ZNF577: variants seen among roughly 807,000 people sequenced by gnomAD.
ZNF577 encodes the protein zinc finger protein 577.
ZNF577 carries 14 observed loss-of-function variants against 13.9 expected under a neutral mutation model. The observed-to-expected ratio is 1.00, with a 90% confidence interval of 0.66 to 1.57. The LOEUF (loss-of-function observed/expected upper bound fraction) is 1.57, where lower values mean the gene tolerates loss of function less well. Among genes scored for constraint, ZNF577 ranks in the 40% most tolerant of loss-of-function variants. The probability of loss-of-function intolerance (pLI) is 0.00; values close to 1 mark genes in which losing one functional copy is unlikely to be tolerated. For missense variants in ZNF577, 555 were observed against 579.2 expected (o/e 0.96, Z 0.43); for synonymous variants, 203 against 202.9 (o/e 1.00, Z 0.00).
At chr19:51,826,112 T>C (rs2084230648) in intron 9 of ZNF577, 1 of 154,440 alleles carries the variant, frequency 6.5e-6, no homozygotes, top group Non-Finnish European at 1.5e-5. Context: ...ATTCTTTCAT[T>C]TACATAATTA....
At chr19:51,808,488 T>C (rs1372415976) in intron 10 of ZNF577, among the ~76,000 whole-genome samples, 1 of 152,198 alleles carries the variant, frequency 6.6e-6, no homozygotes, top group Non-Finnish European at 1.5e-5. Flanking sequence ...AGGAAACATA[T>C]TCCGAGGCTT....
intron 9 of ZNF577, among the ~76,000 whole-genome samples, chr19:51,818,456 T>C (rs1299116481): frequency 6.6e-6 from 1 of 152,196 alleles, no homozygotes; most frequent in African/African-American, 2.4e-5. Context: ...GTGCTACTTG[T>C]GGAGTTTGTA....
intron 5 of ZNF577, among the ~76,000 whole-genome samples, chr19:51,847,226 G>C (rs1337302113): frequency 6.6e-6 from 1 of 152,120 alleles, no homozygotes. Context: ...ATTCTTTCGA[G>C]TTTTCTATAT....
At position 51,868,367 on chromosome 19, in the gene ZNF577, C is replaced by T. The variant is rs1035810121; in HGVS notation, c.*4165G>A. On this transcript the variant is annotated 3_prime_UTR_variant, in exon 6 of 6. Transcript: ENST00000638348. Reference sequence around the variant, plus strand: ...GTCAGCAGAGTAAGGTTAGGTAAGACCCATGCCCTGAGTCCCCTCCCCAGC... The same window carrying T: ...GTCAGCAGAGTAAGGTTAGGTAAGATCCATGCCCTGAGTCCCCTCCCCAGC... Among the ~76,000 whole-genome samples the T allele has an allele frequency of 9.9e-5, 15 of 152,126 alleles. No individual in the cohort carries two copies. The highest frequency in any genetic ancestry group is 7.2e-4 in the Admixed American group (11 of 15,262).
rs2084964666 is a variant in ZNF577 at position 51,887,389 on chromosome 19, A to G, written c.-787T>C. 6.6e-6 allele frequency: 1 copy of G among 152,228 alleles called. No individual in the cohort carries two copies. The highest frequency in any genetic ancestry group is 2.1e-4 in the South Asian group (1 of 4,830). 9.4% of individuals were successfully genotyped at this position (152,228 alleles called of 1,614,324 possible). On this transcript the variant is annotated 5_prime_UTR_variant, in exon 1 of 6. Transcript: ENST00000638348. The stretch of plus-strand genomic sequence containing the variant: ...ACCTGATCCCAACATTAAACATGAA[A>G]TACACTAAACCAGAGTTATTTTCTG...
rs73570029 is a variant in ZNF577 at position 51,861,026 on chromosome 19, C to A, written c.284-16095G>T. 2,618 of 409,626 alleles carry A rather than the reference C, an allele frequency of 6.4e-3. 54 individuals carry two copies. The highest frequency in any genetic ancestry group is 0.048 in the African/African-American group (2,194 of 46,136). 25.4% of individuals were successfully genotyped at this position (409,626 alleles called of 1,614,324 possible). On this transcript the variant is annotated intron_variant and NMD_transcript_variant, in intron 5 of 10. Coordinates refer to the ZNF577 transcript ENST00000638827. ...TGAGAATGATTTATCATTTTCATTACATCCACTGGTGCTGCCTACTAAATG... is the reference window on the plus strand; with the variant it reads ...TGAGAATGATTTATCATTTTCATTAAATCCACTGGTGCTGCCTACTAAATG...
intron 9 of ZNF577, among the ~76,000 whole-genome samples, chr19:51,822,994 C>T (rs1373749294): frequency 6.6e-6 from 1 of 152,100 alleles, no homozygotes; most frequent in Non-Finnish European, 1.5e-5. Context: ...TCCTAAGTAG[C>T]TGGAGTTACA....
chr19:51,838,900 C>G (rs1292236924), intron 9 of ZNF577, among the ~76,000 whole-genome samples: 2 of 151,612 alleles, frequency 1.3e-5, no homozygotes, highest in Admixed American at 1.3e-4. Flanking sequence ...CAAATATGTA[C>G]TCAAAGATAA....
intron 10 of ZNF577, among the ~76,000 whole-genome samples, chr19:51,807,127 C>A (rs926339570): frequency 1.3e-5 from 2 of 152,138 alleles, no homozygotes; most frequent in Non-Finnish European, 2.9e-5. Flanking sequence ...TTGGAAGAAG[C>A]GGTCAGGGGG....
Position 51,872,604 on chromosome 19 carries a change from G to A in ZNF577, c.1386C>T (p.Leu462=), listed in dbSNP as rs758219605. 1.2e-6 allele frequency: 2 copies of A among 1,613,764 alleles called. No homozygotes were observed. The highest frequency in any genetic ancestry group is 1.7e-6 in the Non-Finnish European group (2 of 1,179,898). Residue 462 remains leucine (L), a synonymous_variant, in exon 6 of 6, where the codon CTC becomes CTT. Coordinates refer to ENST00000638348, the MANE Select transcript of ZNF577 (RefSeq NM_001370449.1). ...ATGGGGCCACATTCACTTCATTTGTGAGGCTTATTCTCTGTTCAAATTCCT... is the reference window on the plus strand; with the variant it reads ...ATGGGGCCACATTCACTTCATTTGTAAGGCTTATTCTCTGTTCAAATTCCT... ...VNQEFEQRIS[L]TNEVNVAPSV... is the part of the protein sequence containing the mutation.
At chr19:51,832,165 T>C (rs2084264202) in intron 9 of ZNF577, among the ~76,000 whole-genome samples, 1 of 152,114 alleles carries the variant, frequency 6.6e-6, no homozygotes, top group Non-Finnish European at 1.5e-5. Flanking sequence ...TCCACATTCA[T>C]CTGTCATTTT....
chr19:51,814,124 T>C (rs2084117098), intron 9 of ZNF577, among the ~76,000 whole-genome samples: 3 of 152,262 alleles, frequency 2.0e-5, no homozygotes, highest in African/African-American at 4.8e-5. Context: ...CTATACTTTA[T>C]CACTGAAAAC....
At chr19:51,841,444 A>T (rs2084320153) in intron 8 of ZNF577, among the ~76,000 whole-genome samples, 1 of 152,192 alleles carries the variant, frequency 6.6e-6, no homozygotes, top group Non-Finnish European at 1.5e-5. Context: ...CATGGCCAGA[A>T]AACAGAGAAA....
chr19:51,819,534 G>A (rs1193636565), intron 9 of ZNF577, among the ~76,000 whole-genome samples: 1 of 152,184 alleles, frequency 6.6e-6, no homozygotes, highest in Non-Finnish European at 1.5e-5. Flanking sequence ...AAGAGATCCA[G>A]TGGTTCCTAT....
downstream of ZNF577, among the ~76,000 whole-genome samples, chr19:51,865,158 G>A (rs1259431057): frequency 1.3e-5 from 2 of 152,052 alleles, no homozygotes; most frequent in Admixed American, 6.5e-5. Flanking sequence ...GTGCAATGGC[G>A]CAATCTCAGC....
intron 5 of ZNF577, among the ~76,000 whole-genome samples, chr19:51,857,528 A>T (rs1267514696): frequency 3.3e-5 from 5 of 152,198 alleles, no homozygotes; most frequent in Non-Finnish European, 7.3e-5. Context: ...ATCTTGGTAG[A>T]ATTGGGGATA....
intron 9 of ZNF577, among the ~76,000 whole-genome samples, chr19:51,827,315 A>ATT (rs1265822588): frequency 6.6e-6 from 1 of 152,168 alleles, no homozygotes; most frequent in Non-Finnish European, 1.5e-5. Context: ...GCCACGTTAG[A>ATT]TTTCTCTCAC....
intron 9 of ZNF577, among the ~76,000 whole-genome samples, chr19:51,836,900 C>T (rs537343384): frequency 5.9e-5 from 9 of 151,758 alleles, no homozygotes; most frequent in Non-Finnish European, 8.8e-5. Context: ...AAAAATTATA[C>T]GGGCATGGTG....
At chr19:51,808,274 A>C (rs62108948) in intron 10 of ZNF577, among the ~76,000 whole-genome samples, 17,809 of 152,246 alleles carry the variant, frequency 0.12, 1,316 homozygotes, top group South Asian at 0.29. Flanking sequence ...CTTTATGGAG[A>C]ACTACTTTCT....
Sources: gnomAD v4.1 joint callset for allele counts (sites outside exome capture counted in the v4.1 genomes callset) on GRCh38, gnomAD v4.1.1 for gene constraint, MANE v1.5 for transcripts, NCBI Gene and HGNC (gene_info 2026-07-23, HGNC 2026-07-21) for gene names.